The following ST6GALNAC3 variants were observed in gnomAD, a reference collection of about 807,000 sequenced individuals.
The protein encoded by ST6GALNAC3 is ST6 N-acetylgalactosaminide alpha-2,6-sialyltransferase 3.
ST6GALNAC3 carries 25 observed loss-of-function variants against 32.7 expected under a neutral mutation model. That is an observed-to-expected ratio of 0.76 (90% CI 0.56 to 1.07). The LOEUF (loss-of-function observed/expected upper bound fraction) is 1.07. Ranked by LOEUF, ST6GALNAC3 falls within the 50% of genes least tolerant of loss-of-function variation. The probability of loss-of-function intolerance (pLI) is 0.00; values close to 1 mark genes in which losing one functional copy is unlikely to be tolerated. For synonymous variants in ST6GALNAC3, 129 were observed against 133.1 expected, an observed-to-expected ratio of 0.97 and a Z score of 0.21; for missense variants, 355 against 382.4, an observed-to-expected ratio of 0.93 and a Z score of 0.60.
At chr1:76,458,854 T>G (rs1262109557) in intron 3 of ST6GALNAC3, among the ~76,000 whole-genome samples, 2 of 151,454 alleles carry the variant, frequency 1.3e-5, no homozygotes, top group African/African-American at 4.9e-5. Flanking sequence ...CTGCACATTG[T>G]GCACATGTAC....
chr1:76,628,037 C>A (rs1379654660), intron 4 of ST6GALNAC3, among the ~76,000 whole-genome samples: 1 of 151,886 alleles, frequency 6.6e-6, no homozygotes, highest in Non-Finnish European at 1.5e-5. Context: ...CTGCCAGATC[C>A]TTATTTAAAA....
At chr1:76,438,106 T>C (rs1364038021) in intron 3 of ST6GALNAC3, among the ~76,000 whole-genome samples, 1 of 151,910 alleles carries the variant, frequency 6.6e-6, no homozygotes, top group Non-Finnish European at 1.5e-5. Flanking sequence ...ATCGATCTTC[T>C]ACATTTTTTA....
intron 2 of ST6GALNAC3, among the ~76,000 whole-genome samples, chr1:76,336,625 GGT>G (rs1383103380): frequency 3.3e-5 from 5 of 152,102 alleles, no homozygotes; most frequent in African/African-American, 1.2e-4. Context: ...TTAAATGACT[GGT>G]CCACATGAAA....
intron 3 of ST6GALNAC3, among the ~76,000 whole-genome samples, chr1:76,563,419 C>A (rs904931309): frequency 1.3e-5 from 2 of 152,192 alleles, no homozygotes; most frequent in East Asian, 3.9e-4. Flanking sequence ...AGAAGTCACG[C>A]TCATTGCTTC....
At chr1:76,180,454 C>T (rs1653107404) in intron 1 of ST6GALNAC3, among the ~76,000 whole-genome samples, 1 of 152,076 alleles carries the variant, frequency 6.6e-6, no homozygotes, top group African/African-American at 2.4e-5. Flanking sequence ...AGGGCGGTTC[C>T]CTTACAAAGG....
At chr1:76,544,206 T>A (rs111306385) in intron 3 of ST6GALNAC3, among the ~76,000 whole-genome samples, 5 of 152,234 alleles carry the variant, frequency 3.3e-5, no homozygotes, top group African/African-American at 1.2e-4. Flanking sequence ...CAGGGAAATA[T>A]TCCCCTTAAA....
intron 2 of ST6GALNAC3, among the ~76,000 whole-genome samples, chr1:76,363,269 C>A (rs1242621958): frequency 1.3e-5 from 2 of 152,188 alleles, no homozygotes; most frequent in Non-Finnish European, 2.9e-5. Context: ...TACTGTAAAT[C>A]ATCACTCTCA....
At chr1:76,160,847 T>C (rs11162091) in intron 1 of ST6GALNAC3, among the ~76,000 whole-genome samples, 85,465 of 152,020 alleles carry the variant, frequency 0.56, 25,491 homozygotes, top group East Asian at 0.88. Flanking sequence ...AATAGAGTAA[T>C]GCTGCTGTAT....
chr1:76,636,726 A>C (rs938724637), downstream of ST6GALNAC3, among the ~76,000 whole-genome samples: 1 of 151,926 alleles, frequency 6.6e-6, no homozygotes, highest in Admixed American at 6.6e-5. Context: ...GCATCCTAGA[A>C]GTTTTTTTTT....
intron 3 of ST6GALNAC3, among the ~76,000 whole-genome samples, chr1:76,529,151 A>G (rs950950400): frequency 1.3e-5 from 2 of 152,102 alleles, no homozygotes; most frequent in African/African-American, 2.4e-5. Context: ...TGAATATTGT[A>G]TGCTGAAATT....
chr1:76,444,210 G>A (rs1656812812), intron 3 of ST6GALNAC3, among the ~76,000 whole-genome samples: 2 of 152,180 alleles, frequency 1.3e-5, no homozygotes, highest in South Asian at 4.1e-4. Context: ...CTTTCTAAAA[G>A]TGCACCAAAC....
chr1:76,526,598 G>A (rs1253220887), intron 3 of ST6GALNAC3, among the ~76,000 whole-genome samples: 2 of 152,090 alleles, frequency 1.3e-5, no homozygotes, highest in African/African-American at 4.8e-5. Flanking sequence ...TGAAGCATCT[G>A]CTCATGATGG....
intron 1 of ST6GALNAC3, among the ~76,000 whole-genome samples, chr1:76,097,420 C>A (rs1292731121): frequency 1.3e-5 from 2 of 152,090 alleles, no homozygotes; most frequent in Non-Finnish European, 2.9e-5. Flanking sequence ...TTATAAGGGG[C>A]TTTCCCCCTA....
chr1:76,104,497 A>C (rs1647384053), intron 1 of ST6GALNAC3, among the ~76,000 whole-genome samples: 1 of 152,120 alleles, frequency 6.6e-6, no homozygotes, highest in African/African-American at 2.4e-5. Context: ...AGCAGGACTT[A>C]AACACAAATC....
chr1:76,488,512 A>G (rs1201522240), intron 3 of ST6GALNAC3, among the ~76,000 whole-genome samples: 1 of 152,230 alleles, frequency 6.6e-6, no homozygotes, highest in Admixed American at 6.5e-5. Flanking sequence ...AGTGGTAACT[A>G]ACAACATGAA....
At chr1:76,418,813 T>C (rs1654825511) in intron 3 of ST6GALNAC3, among the ~76,000 whole-genome samples, 1 of 152,048 alleles carries the variant, frequency 6.6e-6, no homozygotes, top group Non-Finnish European at 1.5e-5. Flanking sequence ...TTCAGGGTTG[T>C]GTTTTCACGC....
chr1:76,453,241 A>C (rs905413912), intron 3 of ST6GALNAC3, among the ~76,000 whole-genome samples: 5 of 150,808 alleles, frequency 3.3e-5, no homozygotes, highest in African/African-American at 1.2e-4. Flanking sequence ...GTTTTGTCTC[A>C]TTTATCTTTT....
intron 2 of ST6GALNAC3, among the ~76,000 whole-genome samples, chr1:76,352,497 CT>C (rs397706056): frequency 0.041 from 4,709 of 116,160 alleles, 208 homozygotes; most frequent in African/African-American, 0.13. Flanking sequence ...TTTTGGTTTC[CT>C]TTTTTTTTTT....
At chr1:76,108,890 G>T (rs1647727821) in intron 1 of ST6GALNAC3, among the ~76,000 whole-genome samples, 1 of 126,686 alleles carries the variant, frequency 7.9e-6, no homozygotes, top group African/African-American at 3.4e-5. Context: ...GTGTGTGTGT[G>T]TGTGTGTGTT....
Sources: allele counts gnomAD v4.1 joint callset (sites outside exome capture counted in the v4.1 genomes callset), GRCh38; gene constraint gnomAD v4.1.1; transcripts MANE v1.5; gene names NCBI Gene and HGNC (gene_info 2026-07-23, HGNC 2026-07-21).